FBXL2: variants seen among roughly 807,000 people sequenced by gnomAD.
FBXL2 encodes the protein F-box/LRR-repeat protein 2.
FBXL2 carries 38 observed loss-of-function variants against 69.2 expected under a neutral mutation model. The observed-to-expected ratio is 0.55, with a 90% CI of 0.42 to 0.72. FBXL2 has a LOEUF of 0.72. FBXL2 is among the 30% of genes least tolerant of loss of function. The pLI is 0.00. For synonymous variants in FBXL2, 192 were observed against 201.3 expected (o/e 0.95, Z 0.39); for missense variants, 354 against 520.3 (o/e 0.68, Z 3.11).
At chr3:33,323,535 C>A (rs894760448) in intron 2 of FBXL2, among the ~76,000 whole-genome samples, 10 of 152,172 alleles carry the variant, frequency 6.6e-5, no homozygotes, top group Admixed American at 4.6e-4. Flanking sequence ...GTTCAGCTCT[C>A]ACTTACGAGT....
chr3:33,392,409 G>C, downstream of FBXL2: 1 of 648,376 alleles, frequency 1.5e-6, no homozygotes, highest in Non-Finnish European at 2.5e-6. Flanking sequence ...GCTAATTTCT[G>C]TTACAACCAC....
chr3:33,381,009 C>T (rs1231686365), intron 13 of FBXL2, among the ~76,000 whole-genome samples: 1 of 152,172 alleles, frequency 6.6e-6, no homozygotes, highest in Non-Finnish European at 1.5e-5. Context: ...ACAGCTTTGA[C>T]TATTGACTAC....
chr3:33,295,369 A>C (rs1029175016), intron 1 of FBXL2, among the ~76,000 whole-genome samples: 1 of 152,182 alleles, frequency 6.6e-6, no homozygotes, highest in African/African-American at 2.4e-5. Flanking sequence ...GTCTGCTTTC[A>C]ATAGCATATT....
chr3:33,394,659 C>A (rs974433425), intron 12 of FBXL2, among the ~76,000 whole-genome samples: 1 of 152,068 alleles, frequency 6.6e-6, no homozygotes, highest in Non-Finnish European at 1.5e-5. Context: ...TTACTGAGAA[C>A]TTTGCTTCCC....
chr3:33,294,581 A>G (rs1285751883), intron 1 of FBXL2, among the ~76,000 whole-genome samples: 1 of 152,166 alleles, frequency 6.6e-6, no homozygotes. Context: ...CCTCACACCT[A>G]TAATCCCAGC....
chr3:33,387,956 G>C lies in FBXL2; in HGVS notation c.*2348G>C, dbSNP rs2043564868. 1 of 150,950 alleles carries C rather than the reference G, an allele frequency of 6.6e-6. No individual in the cohort carries two copies. Among genetic ancestry groups the C allele is most frequent in the South Asian group, 2.1e-4 (1 of 4,774 alleles). The allele number at this position is 150,950 out of a possible 1,614,324, so 9.4% of individuals were successfully genotyped here. A position where few individuals can be genotyped will look rare whatever the true frequency, so the allele number is the denominator to read the frequency against. On this transcript the variant is annotated 3_prime_UTR_variant, in exon 15 of 15. Transcript: ENST00000484457. ...ATAGTGGCGGGTGCCTGTAGTCCCA[G>C]CTACTCAGGAGACTGAGGCAGAAGA...
At chr3:33,317,916 G>A (rs1331192728) in intron 2 of FBXL2, among the ~76,000 whole-genome samples, 1 of 152,108 alleles carries the variant, frequency 6.6e-6, no homozygotes, top group Non-Finnish European at 1.5e-5. Flanking sequence ...TTTGGATTAG[G>A]GATACTCAGC....
intron 2 of FBXL2, among the ~76,000 whole-genome samples, chr3:33,334,936 C>T (rs2039454346): frequency 1.3e-5 from 2 of 151,666 alleles, no homozygotes; most frequent in Admixed American, 1.3e-4. Context: ...CCCCTCCCCC[C>T]ACCAAAAAAA....
chr3:33,416,728 C>G, the FBXL2 span: 2 of 1,510,980 alleles, frequency 1.3e-6, no homozygotes, highest in Admixed American at 1.8e-5. Context: ...ACAGCAATAT[C>G]CATTGGGAAT....
chr3:33,396,857 C>T (rs1003334005), intron 12 of FBXL2: 1 of 691,742 alleles, frequency 1.4e-6, no homozygotes, highest in African/African-American at 1.8e-5. Flanking sequence ...TCATCAGTGC[C>T]TGCATCATAT....
chr3:33,335,200 A>G (rs1216359962), intron 2 of FBXL2, among the ~76,000 whole-genome samples: 1 of 152,010 alleles, frequency 6.6e-6, no homozygotes, highest in East Asian at 1.9e-4. Context: ...TTCTAAAAAT[A>G]AAAGCTTTTT....
the FBXL2 span, among the ~76,000 whole-genome samples, chr3:33,422,698 C>A: frequency 7.7e-6 from 1 of 130,104 alleles, no homozygotes; most frequent in African/African-American, 3.0e-5. Context: ...ACACTCCAGT[C>A]TGGGTGACAG....
chr3:33,383,371 T>C (rs1395229370), intron 13 of FBXL2: 1 of 153,190 alleles, frequency 6.5e-6, no homozygotes, highest in East Asian at 1.9e-4. Context: ...CTTAAGAGAA[T>C]TACATAAATG....
chr3:33,298,424 C>A (rs1447390918), intron 2 of FBXL2, among the ~76,000 whole-genome samples: 1 of 152,192 alleles, frequency 6.6e-6, no homozygotes, highest in East Asian at 1.9e-4. Flanking sequence ...GTAATCCCAG[C>A]ACTTTGGGAG....
chr3:33,392,291 G>A (rs1170379721), downstream of FBXL2: 2 of 343,038 alleles, frequency 5.8e-6, no homozygotes, highest in Non-Finnish European at 5.2e-6. Context: ...GATCCACTGA[G>A]CGACAGAAGC....
rs201905493 is a variant in FBXL2, at chr3:33,277,505, C to T, written c.-8C>T. The T allele has an allele frequency of 0.013, 17,228 of 1,301,380 alleles. 132 individuals carry two copies. Among genetic ancestry groups the T allele is most frequent in the Non-Finnish European group, 0.016 (15,941 of 1,015,970 alleles). 80.6% of individuals were successfully genotyped at this position (1,301,380 alleles called of 1,614,324 possible). A position where few individuals can be genotyped will look rare whatever the true frequency, so the allele number is the denominator to read the frequency against. On this transcript the variant is annotated 5_prime_UTR_variant, in exon 1 of 15. Coordinates refer to ENST00000484457, the MANE Select transcript of FBXL2 (RefSeq NM_012157.5). ...TCGGGCTGTGGGCTCGCTCGCGGCT[C>T]TTCGGCCATGGTGAGTCTGGGACCC...
intron 2 of FBXL2, among the ~76,000 whole-genome samples, chr3:33,311,197 C>G (rs922513238): frequency 3.3e-5 from 5 of 152,142 alleles, no homozygotes; most frequent in African/African-American, 1.2e-4. Context: ...TCACAATCCT[C>G]TCTTTCTTTA....
chr3:33,394,505 G>C (rs1288896248), intron 12 of FBXL2, among the ~76,000 whole-genome samples: 1 of 137,080 alleles, frequency 7.3e-6, no homozygotes, highest in Non-Finnish European at 1.5e-5. Flanking sequence ...CTTACAGAAA[G>C]CCCCAGCCAC....
chr3:33,412,914 A>C, the FBXL2 span: 1 of 866,588 alleles, frequency 1.2e-6, no homozygotes, highest in Admixed American at 1.8e-5. Context: ...GTTAACCTGT[A>C]GCAGTAGAAC....
Sources: gnomAD v4.1 joint callset for allele counts (sites outside exome capture counted in the v4.1 genomes callset) on GRCh38, gnomAD v4.1.1 for gene constraint, MANE v1.5 for transcripts, NCBI Gene and HGNC (gene_info 2026-07-23, HGNC 2026-07-21) for gene names.